The following MMP26 variants were observed in gnomAD, a reference collection of about 807,000 sequenced individuals.
MMP26 encodes the protein matrix metallopeptidase 26.
In MMP26, 33 loss-of-function variants were observed where a neutral mutation model predicts 31.0. The ratio of observed to expected loss-of-function variants is 1.06; its 90% confidence interval spans 0.81 to 1.42. MMP26 has a LOEUF of 1.42. Among genes scored for constraint, MMP26 ranks in the 40% most tolerant of loss-of-function variants. MMP26 has a pLI of 0.00. For missense variants in MMP26, 347 were observed against 316.1 expected, an observed-to-expected ratio of 1.10 and a Z score of -0.74; for synonymous variants, 122 against 114.9, an observed-to-expected ratio of 1.06 and a Z score of -0.40.
intron 2 of MMP26, chr11:4,943,805 C>G: frequency 2.3e-6 from 1 of 430,242 alleles, no homozygotes; most frequent in South Asian, 1.7e-5. Context: ...TTCACCTCCC[C>G]CATTGAGATT....
chr11:4,798,874 C>G (rs1041758741), intron 2 of MMP26, among the ~76,000 whole-genome samples: 1 of 152,160 alleles, frequency 6.6e-6, no homozygotes, highest in Admixed American at 6.6e-5. Context: ...GTAGAAAATA[C>G]TGATGAAGCT....
At chr11:4,945,879 A>G (rs949156633) in intron 2 of MMP26, 14 of 424,894 alleles carry the variant, frequency 3.3e-5, no homozygotes, top group Admixed American at 4.0e-5. Flanking sequence ...CAGAGCTGTA[A>G]AAATTATCAT....
At chr11:4,708,024 A>G (rs527505304) in intron 1 of MMP26, among the ~76,000 whole-genome samples, 2 of 152,266 alleles carry the variant, frequency 1.3e-5, no homozygotes, top group East Asian at 1.9e-4. Context: ...TTATTACTCT[A>G]AGATATTTTT....
intron 1 of MMP26, among the ~76,000 whole-genome samples, chr11:4,743,988 T>C (rs1443489781): frequency 6.6e-6 from 1 of 152,002 alleles, no homozygotes; most frequent in African/African-American, 2.4e-5. Flanking sequence ...TTTGTATTTT[T>C]TTTAGAGATA....
At chr11:4,827,446 G>C (rs186895741) in intron 2 of MMP26, among the ~76,000 whole-genome samples, 20 of 152,082 alleles carry the variant, frequency 1.3e-4, no homozygotes, top group Middle Eastern at 3.4e-3. Context: ...TCCTGAAAAA[G>C]GTATCCAGGG....
chr11:4,929,032 T>C (rs1851310425), intron 2 of MMP26, among the ~76,000 whole-genome samples: 1 of 152,126 alleles, frequency 6.6e-6, no homozygotes, highest in Non-Finnish European at 1.5e-5. Flanking sequence ...AATTAAACAC[T>C]TTGGTTACTT....
intron 2 of MMP26, among the ~76,000 whole-genome samples, chr11:4,813,020 T>TAC (rs1488003549): frequency 1.3e-5 from 2 of 151,622 alleles, no homozygotes; most frequent in African/African-American, 2.4e-5. Flanking sequence ...TGTATGTATA[T>TAC]ATATATATAT....
At chr11:4,750,207 A>G (rs1327084045) in intron 1 of MMP26, among the ~76,000 whole-genome samples, 1 of 152,142 alleles carries the variant, frequency 6.6e-6, no homozygotes, top group Non-Finnish European at 1.5e-5. Flanking sequence ...TCATCAGAGA[A>G]GTGCAGATTA....
intron 2 of MMP26, among the ~76,000 whole-genome samples, chr11:4,796,475 G>C (rs11033906): frequency 1.3e-5 from 2 of 152,062 alleles, no homozygotes; most frequent in East Asian, 3.9e-4. Flanking sequence ...CCAGTGGTTA[G>C]AGTCTGTCTT....
intron 2 of MMP26, among the ~76,000 whole-genome samples, chr11:4,974,803 A>AGG (rs920447812): frequency 6.6e-6 from 1 of 152,118 alleles, no homozygotes; most frequent in Non-Finnish European, 1.5e-5. Flanking sequence ...TGTCCTTTGC[A>AGG]GGGACATGGA....
chr11:4,794,718 C>T lies in MMP26; in HGVS notation c.-145+27377C>T, dbSNP rs1018719242. ...TCATTCTAAGCTAAACCCTTTGGTT[C>T]GGGTGAGGGTAACCAAGCAGTCCCG... On this transcript the variant is annotated intron_variant, in intron 2 of 7. Coordinates refer to ENST00000380390, the MANE Select transcript of MMP26 (RefSeq NM_021801.5). Among the ~76,000 whole-genome samples the T allele has an allele frequency of 3.3e-5, 5 of 152,208 alleles. No homozygotes were observed. The South Asian group carries it at 6.2e-4, about 19-fold the overall frequency.
chr11:4,908,208 T>A, intron 2 of MMP26: 1 of 1,614,214 alleles, frequency 6.2e-7, no homozygotes, highest in East Asian at 2.2e-5. Context: ...GATATGTTCT[T>A]GTTGGTGCCG....
intron 2 of MMP26, among the ~76,000 whole-genome samples, chr11:4,975,845 G>A (rs974918992): frequency 6.6e-6 from 1 of 151,912 alleles, no homozygotes; most frequent in Admixed American, 6.6e-5. Context: ...TATTGTTTTT[G>A]ACATACAGTA....
chr11:4,887,193 T>A (rs1281445053), intron 2 of MMP26, among the ~76,000 whole-genome samples: 1 of 152,108 alleles, frequency 6.6e-6, no homozygotes, highest in Non-Finnish European at 1.5e-5. Context: ...AGCTGTTTAA[T>A]AAATCTCACT....
At chr11:4,881,592 AG>A (rs1850463674) in intron 2 of MMP26, among the ~76,000 whole-genome samples, 2 of 152,132 alleles carry the variant, frequency 1.3e-5, no homozygotes, top group African/African-American at 4.8e-5. Context: ...TTTTAAAGGA[AG>A]GAAATTACAA....
In MMP26 at chr11:4,738,563, C is replaced by A. The variant is rs140029074; in HGVS notation, c.-216-28707C>A. On this transcript the variant is annotated intron_variant, in intron 1 of 7. Transcript: ENST00000380390. ...TATGAGCAGTTCTTGTCTCAGTAGT[C>A]AGAATTCTGCCACTAGGATTGTTTT... is the stretch of plus-strand genomic sequence containing the variant. Among the ~76,000 whole-genome samples the A allele has an allele frequency of 1.1e-3, 171 of 152,214 alleles. 1 individual carries two copies. The highest frequency in any genetic ancestry group is 3.4e-3 in the Middle Eastern group (1 of 294).
chr11:4,990,598 G>C lies in MMP26; in HGVS notation c.321G>C (p.Arg107Ser), dbSNP rs1479165607. The C allele has an allele frequency of 9.3e-6, 15 of 1,610,952 alleles. No individual in the cohort carries two copies. Among genetic ancestry groups the C allele is most frequent in the South Asian group, 1.1e-5 (1 of 90,576 alleles). The change falls in exon 5 of 8, where the codon AGG becomes AGC. Residue 107 changes from arginine (R) to serine (S), a missense_variant and splice_region_variant. Arg to Ser is a moderately radical substitution (Grantham distance 110). Transcript: ENST00000380390. ...TTCATTTAGAGATTGCTTTCCTCAGGATTATCAATTACCCACATGATATGA... is the reference window on the plus strand; with the variant it reads ...TTCATTTAGAGATTGCTTTCCTCAGCATTATCAATTACCCACATGATATGA... Reference protein sequence around the residue: ...CKWNKHTLTYRIINYPHDMKP... With the variant: ...CKWNKHTLTYSIINYPHDMKP...
chr11:4,790,863 G>T (rs994511585), intron 2 of MMP26, among the ~76,000 whole-genome samples: 11 of 152,110 alleles, frequency 7.2e-5, no homozygotes, highest in African/African-American at 2.4e-4. Flanking sequence ...AGTTACTGAC[G>T]TTTAAAAATA....
intron 2 of MMP26, chr11:4,849,115 G>A: frequency 6.2e-7 from 1 of 1,614,120 alleles, no homozygotes; most frequent in Non-Finnish European, 8.5e-7. Context: ...CACCAGGAGG[G>A]TGCACCTGAT....
Sources: allele counts gnomAD v4.1 joint callset (sites outside exome capture counted in the v4.1 genomes callset), GRCh38; gene constraint gnomAD v4.1.1; transcripts MANE v1.5; gene names NCBI Gene and HGNC (gene_info 2026-07-23, HGNC 2026-07-21).